TSC22D1: variants seen among roughly 807,000 people sequenced by gnomAD.
TSC22D1 encodes the protein TSC22 domain family protein 1.
A neutral mutation model predicts 74.2 loss-of-function variants in TSC22D1; 9 were observed. The ratio of observed to expected loss-of-function variants is 0.12; its 90% CI spans 0.07 to 0.21. The LOEUF is 0.21. TSC22D1 is among the 10% of genes least tolerant of loss of function. The probability of loss-of-function intolerance (pLI) is 1.00; values close to 1 mark genes in which losing one functional copy is unlikely to be tolerated. For synonymous variants in TSC22D1, 586 were observed against 492.5 expected, an observed-to-expected ratio of 1.19 and a Z score of -2.51; for missense variants, 1,427 against 1,304.7, an observed-to-expected ratio of 1.09 and a Z score of -1.44.
intron 1 of TSC22D1, among the ~76,000 whole-genome samples, chr13:44,557,131 G>GAA (rs1350268570): frequency 6.7e-6 from 1 of 148,184 alleles, no homozygotes; most frequent in African/African-American, 2.5e-5. Context: ...CAACAAGGTA[G>GAA]AAACTCAGTC....
chr13:44,512,659 T>C (rs112296829), intron 1 of TSC22D1, among the ~76,000 whole-genome samples: 3 of 103,014 alleles, frequency 2.9e-5, no homozygotes, highest in Admixed American at 9.9e-5. Flanking sequence ...AAAGCAATCT[T>C]TTTTGTTTTG....
chr13:44,454,077 C>A (rs1470927713), intron 1 of TSC22D1, among the ~76,000 whole-genome samples: 1 of 152,170 alleles, frequency 6.6e-6, no homozygotes, highest in African/African-American at 2.4e-5. Context: ...GTTCCATCAC[C>A]TATTACGTAA....
At chr13:44,541,078 C>T (rs530084862) in intron 1 of TSC22D1, among the ~76,000 whole-genome samples, 20 of 152,136 alleles carry the variant, frequency 1.3e-4, no homozygotes, top group Non-Finnish European at 2.6e-4. Flanking sequence ...AACTAGTTAT[C>T]ACAAGGGTTC....
chr13:44,553,284 A>C (rs1334852496), intron 1 of TSC22D1, among the ~76,000 whole-genome samples: 1 of 152,168 alleles, frequency 6.6e-6, no homozygotes, highest in Non-Finnish European at 1.5e-5. Flanking sequence ...CTAAAATGTA[A>C]TGTCAACTTC....
At chr13:44,498,712 C>T (rs1308063467) in intron 1 of TSC22D1, among the ~76,000 whole-genome samples, 1 of 152,148 alleles carries the variant, frequency 6.6e-6, no homozygotes, top group Non-Finnish European at 1.5e-5. Flanking sequence ...CCTTCACTAC[C>T]TGATCCTCAG....
At chr13:44,544,335 C>T (rs1240566823) in intron 1 of TSC22D1, among the ~76,000 whole-genome samples, 1 of 150,640 alleles carries the variant, frequency 6.6e-6, no homozygotes, top group Middle Eastern at 3.2e-3. Flanking sequence ...AGAGATCTTA[C>T]CCGATAACAA....
At chr13:44,546,702 A>T (rs752757079) in intron 1 of TSC22D1, among the ~76,000 whole-genome samples, 7 of 151,912 alleles carry the variant, frequency 4.6e-5, no homozygotes, top group Non-Finnish European at 1.0e-4. Flanking sequence ...TGATACAAAC[A>T]TTAAGGAAAG....
Position 44,547,033 on chromosome 13 carries a change from A to C in TSC22D1, c.2912+26130T>G, listed in dbSNP as rs1331036468. 2.6e-5 allele frequency among the ~76,000 whole-genome samples: 4 copies of C among 152,106 alleles called. No homozygotes were observed. In the East Asian group the frequency reaches 7.7e-4, roughly 29 times the overall value. On this transcript the variant is annotated intron_variant, in intron 1 of 2. Coordinates refer to ENST00000458659, the MANE Select transcript of TSC22D1 (RefSeq NM_183422.4). ...TGCCTCAGTCTCCCAAAATGGTGAG[A>C]TTACAGGCATGAGCCACCACACCAA...
intron 1 of TSC22D1, among the ~76,000 whole-genome samples, chr13:44,520,677 A>T (rs377051638): frequency 3.9e-5 from 6 of 152,212 alleles, no homozygotes; most frequent in East Asian, 1.9e-4. Context: ...GATATAGAGC[A>T]TAGGTGAAGC....
chr13:44,574,712 G>C lies in TSC22D1; in HGVS notation c.1363C>G (p.Pro455Ala). The C allele has an allele frequency of 1.2e-6, 2 of 1,614,028 alleles. No homozygotes were observed. The highest frequency in any genetic ancestry group is 1.7e-6 in the Non-Finnish European group (2 of 1,180,028). The change falls in exon 1 of 3, where the codon CCG (proline) becomes GCG (alanine). Residue 455 changes from proline (P) to alanine (A), a missense_variant. Transcript: ENST00000458659. ...TCCCTTTCAGAAGTCACTTCTATCG[G>C]ATTTTGCTTTACAGTCTCCACCACT... ...NKVVETVKQNPIEVTSEREST... is the reference protein window; with the variant it reads ...NKVVETVKQNAIEVTSEREST...
At chr13:44,550,129 A>C (rs1185941243) in intron 1 of TSC22D1, among the ~76,000 whole-genome samples, 17 of 152,180 alleles carry the variant, frequency 1.1e-4, no homozygotes. Context: ...TTAAATTAAC[A>C]ATTTTAAAAA....
chr13:44,535,644 A>T (rs1254944117), intron 1 of TSC22D1, among the ~76,000 whole-genome samples: 1 of 151,524 alleles, frequency 6.6e-6, no homozygotes, highest in Non-Finnish European at 1.5e-5. Context: ...AAACAAACAA[A>T]AAAAACCATT....
chr13:44,475,576 A>G (rs1230543690), intron 1 of TSC22D1, among the ~76,000 whole-genome samples: 1 of 152,164 alleles, frequency 6.6e-6, no homozygotes, highest in Non-Finnish European at 1.5e-5. Context: ...GCTGTATGAA[A>G]AAGACCATAA....
intron 1 of TSC22D1, among the ~76,000 whole-genome samples, chr13:44,438,981 T>TA (rs374058484): frequency 6.6e-6 from 1 of 152,170 alleles, no homozygotes; most frequent in Non-Finnish European, 1.5e-5. Flanking sequence ...TAAGGTCATA[T>TA]AAAAAAATTT....
At chr13:44,454,474 ACT>A (rs1876404294) in intron 1 of TSC22D1, among the ~76,000 whole-genome samples, 1 of 151,948 alleles carries the variant, frequency 6.6e-6, no homozygotes, top group South Asian at 2.1e-4. Context: ...CACCACTGAA[ACT>A]CTTATGCTCC....
At chr13:44,505,866 T>C (rs1177836423) in intron 1 of TSC22D1, among the ~76,000 whole-genome samples, 2 of 152,190 alleles carry the variant, frequency 1.3e-5, no homozygotes, top group Non-Finnish European at 2.9e-5. Flanking sequence ...AGAAATCTTT[T>C]TTAACATGTA....
chr13:44,539,259 TA>T, intron 1 of TSC22D1: 3 of 985,348 alleles, frequency 3.0e-6, no homozygotes, highest in Non-Finnish European at 2.4e-6. Flanking sequence ...AGTAAAACCA[TA>T]ATAGTACTAT....
intron 1 of TSC22D1, among the ~76,000 whole-genome samples, chr13:44,515,509 T>G (rs1011168922): frequency 6.6e-6 from 1 of 151,824 alleles, no homozygotes; most frequent in Non-Finnish European, 1.5e-5. Flanking sequence ...ACAATCTCGG[T>G]TCTCTGCAGC....
chr13:44,437,203 G>A (rs756539988), intron 1 of TSC22D1: 580 of 985,414 alleles, frequency 5.9e-4, no homozygotes, highest in Non-Finnish European at 6.6e-4. Context: ...CCCGGTCCCC[G>A]GAGCTGTGTC....
Sources: gnomAD v4.1 joint callset for allele counts (sites outside exome capture counted in the v4.1 genomes callset) on GRCh38, gnomAD v4.1.1 for gene constraint, MANE v1.5 for transcripts, NCBI Gene and HGNC (gene_info 2026-07-23, HGNC 2026-07-21) for gene names.